Variants in GASK1A observed in about 807,000 individuals in gnomAD.
GASK1A encodes Golgi-associated kinase 1A.
In GASK1A, 40 loss-of-function variants were observed where a neutral mutation model predicts 41.2. The ratio of observed to expected loss-of-function variants is 0.97; its 90% confidence interval spans 0.75 to 1.27. The LOEUF (loss-of-function observed/expected upper bound fraction) is 1.27. Ranked by LOEUF, GASK1A falls within the 50% of genes most tolerant of loss-of-function variation. The pLI is 0.00. For missense variants in GASK1A, 678 were observed against 745.1 expected, an observed-to-expected ratio of 0.91 and a Z score of 1.05; for synonymous variants, 316 against 307.1, an observed-to-expected ratio of 1.03 and a Z score of -0.30.
At chr3:43,040,752 T>G (rs917538009) in intron 2 of GASK1A, among the ~76,000 whole-genome samples, 1 of 151,950 alleles carries the variant, frequency 6.6e-6, no homozygotes, top group Non-Finnish European at 1.5e-5. Context: ...ATTATTATAC[T>G]TTAAGTTTTA....
intron 2 of GASK1A, among the ~76,000 whole-genome samples, chr3:43,053,259 T>G (rs1039039784): frequency 6.6e-6 from 1 of 152,076 alleles, no homozygotes; most frequent in South Asian, 2.1e-4. Context: ...AGAGCAACAG[T>G]GTAGGTTAAG....
At position 43,037,284 on chromosome 3, in the gene GASK1A, A is replaced by G. The variant is rs1183691418; in HGVS notation, c.1290+3731A>G. 1.5e-5 allele frequency: 13 copies of G among 895,704 alleles called. No homozygotes were observed. In the East Asian group the frequency reaches 2.4e-4, roughly 17 times the overall value. The allele number at this position is 895,704 out of a possible 1,614,324, so 55.5% of individuals were successfully genotyped here. A position where few individuals can be genotyped will look rare whatever the true frequency, so the allele number is the denominator to read the frequency against. ...GGCCGAGGAGAAGCCAACTCCCCAGATGAACGGGACCCCAGGTGATGACAG... is the reference window on the plus strand; with the variant it reads ...GGCCGAGGAGAAGCCAACTCCCCAGGTGAACGGGACCCCAGGTGATGACAG... On this transcript the variant is annotated intron_variant, in intron 2 of 4. Transcript: ENST00000430121.
In GASK1A at chr3:43,055,511, T is replaced by A. The variant is rs1344172456; in HGVS notation, c.1493T>A (p.Phe498Tyr). 11 of 1,551,914 alleles carry A rather than the reference T, an allele frequency of 7.1e-6. No homozygotes were observed. The highest frequency in any genetic ancestry group is 8.7e-6 in the Non-Finnish European group (10 of 1,147,024). Residue 498 changes from phenylalanine to tyrosine, a missense_variant, in exon 4 of 5, where the codon TTT becomes TAT. Coordinates refer to ENST00000430121, the MANE Select transcript of GASK1A (RefSeq NM_001129908.3). ...CAGCACCCTGAGGACAAGCTGAACT[T>A]TCGGCTGCTGGAGGGCATAGATGGG... ...NLQHPEDKLN[F>Y]RLLEGIDGFP...
chr3:43,023,712 A>AAAATCATCAGAT (rs1330077386), intron 1 of GASK1A, among the ~76,000 whole-genome samples: 5 of 152,238 alleles, frequency 3.3e-5, no homozygotes. Flanking sequence ...TCACTTCAGA[A>AAAATCATCAGAT]AAATCATCAG....
intron 2 of GASK1A, 81 bp from the exon 3 acceptor site, chr3:43,053,440 G>A: frequency 6.9e-7 from 1 of 1,439,994 alleles, no homozygotes; most frequent in Non-Finnish European, 9.2e-7. Context: ...GTAGGAAACA[G>A]CAGGTCAGGT....
At chr3:42,983,437 A>G (rs780379444) in intron 1 of GASK1A, among the ~76,000 whole-genome samples, 5 of 152,084 alleles carry the variant, frequency 3.3e-5, no homozygotes, top group Admixed American at 6.6e-5. Flanking sequence ...TCTAGTATAG[A>G]TGAAATTTAC....
At chr3:42,991,530 T>C (rs904381146) in intron 1 of GASK1A, among the ~76,000 whole-genome samples, 3 of 152,338 alleles carry the variant, frequency 2.0e-5, no homozygotes, top group Non-Finnish European at 4.4e-5. Context: ...TGCATAGCCA[T>C]AGAGCAGCTG....
chr3:43,032,041 A>G (rs62247121), intron 1 of GASK1A, among the ~76,000 whole-genome samples: 30,228 of 152,166 alleles, frequency 0.2, 3,339 homozygotes, highest in South Asian at 0.35. Context: ...GCCTCAGCAG[A>G]GGCTGCCCTA....
rs1380544710 is a variant in GASK1A at position 43,033,174 on chromosome 3, C to T, written c.911C>T (p.Ser304Phe). 6.4e-7 allele frequency: 1 copy of T among 1,550,944 alleles called. No homozygotes were observed. The change falls in exon 2 of 5, where the codon TCC (serine) becomes TTC (phenylalanine). Residue 304 changes from serine to phenylalanine, a missense_variant. Ser to Phe is a radical substitution (Grantham distance 155). Coordinates refer to ENST00000430121, the MANE Select transcript of GASK1A (RefSeq NM_001129908.3). ...ACTGAGGCTGCCCTTCAGGACCTGTCCTCTCCCAGGCTCAGCCAACTCTGT... is the reference window on the plus strand; with the variant it reads ...ACTGAGGCTGCCCTTCAGGACCTGTTCTCTCCCAGGCTCAGCCAACTCTGT... ...FSTEAALQDL[S>F]SPRLSQLCSQ...
At chr3:42,995,622 G>T (rs1355023260) in intron 1 of GASK1A, among the ~76,000 whole-genome samples, 3 of 152,260 alleles carry the variant, frequency 2.0e-5, no homozygotes, top group African/African-American at 7.2e-5. Context: ...GATGTCCGGT[G>T]AAGAGCGAGG....
intron 1 of GASK1A, among the ~76,000 whole-genome samples, chr3:43,024,943 G>C (rs909656464): frequency 6.6e-6 from 1 of 152,192 alleles, no homozygotes; most frequent in Non-Finnish European, 1.5e-5. Context: ...AAGGCTTCCT[G>C]GGGGAGGTGG....
chr3:43,038,092 A>G (rs1370191242), intron 2 of GASK1A, among the ~76,000 whole-genome samples: 3 of 152,250 alleles, frequency 2.0e-5, no homozygotes, highest in Admixed American at 2.0e-4. Context: ...AAATGGAGAT[A>G]AAGTTGAAAT....
chr3:43,017,421 A>AGGAAGGGGCATG (rs1294642977), intron 1 of GASK1A, among the ~76,000 whole-genome samples: 1 of 149,894 alleles, frequency 6.7e-6, no homozygotes, highest in African/African-American at 2.5e-5. Flanking sequence ...GTGAAGTCAT[A>AGGAAGGGGCATG]GGAAGGGGCT....
intron 1 of GASK1A, among the ~76,000 whole-genome samples, chr3:43,028,807 G>T (rs1361416635): frequency 6.6e-6 from 1 of 152,166 alleles, no homozygotes; most frequent in East Asian, 1.9e-4. Flanking sequence ...TGGAGGCCCT[G>T]GCTGAAGTGA....
At chr3:43,016,750 G>C (rs985898436) in intron 1 of GASK1A, among the ~76,000 whole-genome samples, 1 of 152,050 alleles carries the variant, frequency 6.6e-6, no homozygotes, top group African/African-American at 2.4e-5. Flanking sequence ...GGAAGAGTCT[G>C]TGTGAAGCCA....
chr3:43,002,121 A>T (rs1306933406), intron 1 of GASK1A, among the ~76,000 whole-genome samples: 1 of 152,214 alleles, frequency 6.6e-6, no homozygotes, highest in Non-Finnish European at 1.5e-5. Flanking sequence ...GTAGGTCCGC[A>T]TTCAAACATT....
intron 1 of GASK1A, among the ~76,000 whole-genome samples, chr3:43,001,823 C>T (rs2089410836): frequency 6.6e-6 from 1 of 152,070 alleles, no homozygotes; most frequent in South Asian, 2.1e-4. Flanking sequence ...AGGGAGGCTT[C>T]CTGTGAGGTG....
chr3:43,052,577 T>C (rs1029786573), intron 2 of GASK1A, among the ~76,000 whole-genome samples: 1 of 152,166 alleles, frequency 6.6e-6, no homozygotes, highest in Admixed American at 6.5e-5. Flanking sequence ...TGTGTGATGG[T>C]GATTCCCTAC....
chr3:43,006,642 CCA>C (rs1350472035), intron 1 of GASK1A, among the ~76,000 whole-genome samples: 1 of 152,074 alleles, frequency 6.6e-6, no homozygotes, highest in Non-Finnish European at 1.5e-5. Flanking sequence ...GATATTTTCC[CCA>C]GTGTTCTGAA....
Sources: allele counts gnomAD v4.1 joint callset (sites outside exome capture counted in the v4.1 genomes callset), GRCh38; gene constraint gnomAD v4.1.1; transcripts MANE v1.5; gene names NCBI Gene and HGNC (gene_info 2026-07-23, HGNC 2026-07-21).